The following CEP76 variants were observed in gnomAD, a reference collection of about 807,000 sequenced individuals.
CEP76 encodes centrosomal protein 76.
In CEP76, 55 loss-of-function variants were observed where a neutral mutation model predicts 83.3. The observed-to-expected ratio is 0.66, with a 90% confidence interval of 0.53 to 0.83. The LOEUF (loss-of-function observed/expected upper bound fraction) is 0.83, where lower values mean the gene tolerates loss of function less well. Among genes scored for constraint, CEP76 ranks in the 40% least tolerant of loss-of-function variants. The pLI is 0.00. For synonymous variants in CEP76, 270 were observed against 274.5 expected (o/e 0.98, Z 0.16); for missense variants, 694 against 799.5 (o/e 0.87, Z 1.59).
chr18:12,684,027 A>C (rs1468399258), intron 8 of CEP76, among the ~76,000 whole-genome samples: 1 of 150,526 alleles, frequency 6.6e-6, no homozygotes, highest in Non-Finnish European at 1.5e-5. Context: ...TATCATATAT[A>C]TATGTATTTT....
At chr18:12,666,200 C>A (rs995089757) in intron 12 of CEP76, among the ~76,000 whole-genome samples, 1 of 151,064 alleles carries the variant, frequency 6.6e-6, no homozygotes, top group Non-Finnish European at 1.5e-5. Context: ...TGGTGGCATA[C>A]ACCTATATTC....
At position 12,673,508 on chromosome 18, in the gene CEP76, T is replaced by C. The variant is rs752598071; in HGVS notation, c.1842-5A>G. On this transcript the variant is annotated splice_region_variant and splice_polypyrimidine_tract_variant and intron_variant, in intron 11 of 11. Transcript: ENST00000262127. ...ATTTCTTCACAGAAAGGAGATCTAT[T>C]TAAGAAAAAAAAAATTATTCAATTA... is the stretch of plus-strand genomic sequence containing the variant. 2 of 1,564,672 alleles carry C rather than the reference T, an allele frequency of 1.3e-6. No homozygotes were observed. The highest frequency in any genetic ancestry group is 1.7e-6 in the Non-Finnish European group (2 of 1,163,932).
At chr18:12,673,605 C>T (rs2039008611) in intron 11 of CEP76, 102 bp from the exon 12 acceptor site, 8 of 921,202 alleles carry the variant, frequency 8.7e-6, no homozygotes, top group African/African-American at 3.6e-5. Flanking sequence ...TCAGGCTAGG[C>T]GTGGTGGCTC....
chr18:12,679,829 G>A (rs66808227), intron 9 of CEP76, among the ~76,000 whole-genome samples: 36,021 of 151,948 alleles, frequency 0.24, 4,956 homozygotes, highest in Non-Finnish European at 0.32. Context: ...TTGGAAGGCC[G>A]TGGCAGGTAG....
intron 8 of CEP76, among the ~76,000 whole-genome samples, chr18:12,681,513 G>A (rs1186008125): frequency 1.3e-5 from 2 of 151,972 alleles, no homozygotes; most frequent in Non-Finnish European, 2.9e-5. Context: ...GCCTCCCAAA[G>A]TGTTGGGATT....
chr18:12,689,689 T>C (rs1393427849), intron 7 of CEP76, among the ~76,000 whole-genome samples: 1 of 152,198 alleles, frequency 6.6e-6, no homozygotes. Flanking sequence ...CACTCCATCC[T>C]GAGTCCTCTC....
intron 9 of CEP76, chr18:12,679,044 G>A (rs566177720): frequency 1.3e-5 from 2 of 152,308 alleles, no homozygotes; most frequent in East Asian, 3.9e-4. Flanking sequence ...TATTAGGCAT[G>A]ATTATCAACC....
intron 6 of CEP76, 34 bp downstream of exon 6, chr18:12,695,220 A>C: frequency 1.0e-6 from 1 of 962,914 alleles, no homozygotes; most frequent in Non-Finnish European, 1.5e-6. Flanking sequence ...ATGAAAACAA[A>C]CACACAAAAA....
intron 12 of CEP76, among the ~76,000 whole-genome samples, chr18:12,663,810 G>A (rs746826959): frequency 7.2e-5 from 11 of 152,098 alleles, no homozygotes; most frequent in Non-Finnish European, 1.2e-4. Context: ...CTGCTGCCCA[G>A]GCTGGATGGA....
At chr18:12,701,200 T>A in intron 1 of CEP76, 87 bp from the exon 2 acceptor site, 1 of 911,300 alleles carries the variant, frequency 1.1e-6, no homozygotes, top group Non-Finnish European at 1.7e-6. Context: ...CAGCTAACAG[T>A]AAATGCACAA....
In CEP76 at chr18:12,673,328, A is replaced by G. The variant is rs2144975550; in HGVS notation, c.*37T>C. The G allele has an allele frequency of 6.4e-7, 1 of 1,569,826 alleles. No individual in the cohort carries two copies. The highest frequency in any genetic ancestry group is 1.4e-5 in the African/African-American group (1 of 71,284). On this transcript the variant is annotated 3_prime_UTR_variant, in exon 12 of 12. Transcript: ENST00000262127. ...GTAATGTACAATGTGTAAAATTCCA[A>G]TTAAACACAGGTATAAATCTTATAT...
At chr18:12,699,462 G>A (rs2040076618) in intron 3 of CEP76, among the ~76,000 whole-genome samples, 1 of 152,144 alleles carries the variant, frequency 6.6e-6, no homozygotes, top group African/African-American at 2.4e-5. Context: ...GAGCCAATAT[G>A]TAGTATACTT....
intron 12 of CEP76, among the ~76,000 whole-genome samples, chr18:12,667,480 G>C (rs928905262): frequency 6.6e-6 from 1 of 152,002 alleles, no homozygotes; most frequent in Non-Finnish European, 1.5e-5. Flanking sequence ...TATAATATTC[G>C]GCCAGGCCGG....
intron 12 of CEP76, among the ~76,000 whole-genome samples, chr18:12,662,809 G>A (rs929719333): frequency 2.0e-5 from 3 of 152,130 alleles, no homozygotes; most frequent in Admixed American, 6.6e-5. Context: ...TTGACGAAAA[G>A]TAGAGGATTG....
At chr18:12,691,827 T>C (rs568433923) in intron 6 of CEP76, among the ~76,000 whole-genome samples, 1 of 152,006 alleles carries the variant, frequency 6.6e-6, no homozygotes, top group South Asian at 2.1e-4. Context: ...GCAATTCTCC[T>C]GCCTCAGCCT....
chr18:12,664,698 CTTT>C (rs76222169), intron 12 of CEP76, among the ~76,000 whole-genome samples: 2 of 137,594 alleles, frequency 1.5e-5, no homozygotes, highest in Non-Finnish European at 1.6e-5. Flanking sequence ...TTGTCCTGAT[CTTT>C]TTTTTTTTTT....
intron 6 of CEP76, 57 bp from the exon 7 acceptor site, chr18:12,691,544 A>G (rs1240503531): frequency 2.3e-6 from 3 of 1,290,862 alleles, no homozygotes; most frequent in Non-Finnish European, 3.2e-6. Flanking sequence ...ATTACTACAA[A>G]ATATGTAGCA....
chr18:12,668,933 G>GT (rs1382934386), downstream of CEP76, among the ~76,000 whole-genome samples: 7 of 148,440 alleles, frequency 4.7e-5, 1 homozygote, highest in Admixed American at 4.1e-4. Flanking sequence ...TAGAGACGGG[G>GT]TTTCATCAAG....
intron 9 of CEP76, among the ~76,000 whole-genome samples, chr18:12,679,460 T>C (rs1335168509): frequency 6.6e-6 from 1 of 152,034 alleles, no homozygotes; most frequent in Non-Finnish European, 1.5e-5. Flanking sequence ...ACTCTGGCTT[T>C]GTGGAGCGTC....
Sources: allele counts gnomAD v4.1 joint callset (sites outside exome capture counted in the v4.1 genomes callset), GRCh38; gene constraint gnomAD v4.1.1; transcripts MANE v1.5; gene names NCBI Gene and HGNC (gene_info 2026-07-23, HGNC 2026-07-21).